Variants in ST8SIA5 observed in about 807,000 individuals in gnomAD.
ST8SIA5 encodes ST8 alpha-N-acetyl-neuraminide alpha-2,8-sialyltransferase 5.
Under a neutral mutation model 40.2 loss-of-function variants are expected in ST8SIA5, and 24 were observed. That is an observed-to-expected ratio of 0.60 (90% CI 0.43 to 0.84). The LOEUF (loss-of-function observed/expected upper bound fraction) is 0.84. ST8SIA5 is among the 40% of genes least tolerant of loss of function. The pLI is 0.00. For missense variants in ST8SIA5, 465 were observed against 498.5 expected, an observed-to-expected ratio of 0.93 and a Z score of 0.64; for synonymous variants, 198 against 201.8, an observed-to-expected ratio of 0.98 and a Z score of 0.16.
chr18:46,752,981 C>T (rs1001718075), intron 1 of ST8SIA5, among the ~76,000 whole-genome samples: 3 of 152,220 alleles, frequency 2.0e-5, no homozygotes. Flanking sequence ...TGCCATTACC[C>T]TACTCCAGGG....
chr18:46,743,085 T>A (rs1218946474), intron 1 of ST8SIA5, among the ~76,000 whole-genome samples: 1 of 152,074 alleles, frequency 6.6e-6, no homozygotes, highest in Non-Finnish European at 1.5e-5. Flanking sequence ...CAAAAGTAGA[T>A]AAAACCACAA....
chr18:46,685,720 A>C (rs1313631038), intron 5 of ST8SIA5: 1 of 166,418 alleles, frequency 6.0e-6, no homozygotes, highest in Non-Finnish European at 1.3e-5. Flanking sequence ...ATCCACAAAG[A>C]GATAAGAGGG....
chr18:46,738,007 G>A (rs916095012), intron 1 of ST8SIA5, among the ~76,000 whole-genome samples: 5 of 152,034 alleles, frequency 3.3e-5, no homozygotes, highest in African/African-American at 1.2e-4. Flanking sequence ...CTGACCTCAG[G>A]TAATCTGCCC....
rs2040256369 is a variant in ST8SIA5, at chr18:46,756,894, G to A, written c.-386C>T. ...GCGGCCAATGGGGAGCAAGACCCGG[G>A]CTCCGTCCCCTGTGCGCCCCAGCGC... On this transcript the variant is annotated 5_prime_UTR_variant, in exon 1 of 7. Transcript: ENST00000315087. 9.2e-6 allele frequency: 2 copies of A among 217,598 alleles called. No individual in the cohort carries two copies. The highest frequency in any genetic ancestry group is 9.0e-6 in the Non-Finnish European group (1 of 110,796). 13.5% of individuals were successfully genotyped at this position (217,598 alleles called of 1,614,324 possible). A position where few individuals can be genotyped will look rare whatever the true frequency, so the allele number is the denominator to read the frequency against.
At chr18:46,743,008 G>T (rs1312319301) in intron 1 of ST8SIA5, among the ~76,000 whole-genome samples, 2 of 152,154 alleles carry the variant, frequency 1.3e-5, no homozygotes, top group Non-Finnish European at 2.9e-5. Context: ...CAAACAGAAA[G>T]AAATAGCATC....
rs1185242059 is a variant in ST8SIA5 at position 46,677,882 on chromosome 18, G to C, written c.*2160C>G. 1 of 152,258 alleles carries C rather than the reference G, an allele frequency of 6.6e-6. No individual in the cohort carries two copies. Among genetic ancestry groups the C allele is most frequent in the Non-Finnish European group, 1.5e-5 (1 of 68,052 alleles). The allele number at this position is 152,258 out of a possible 1,614,324, so 9.4% of individuals were successfully genotyped here. On this transcript the variant is annotated 3_prime_UTR_variant, in exon 7 of 7. Coordinates refer to ENST00000315087, the MANE Select transcript of ST8SIA5 (RefSeq NM_013305.6). ...GGGCTCTGTCCACAGCAGGCACTCAGTAGAGCCCCAGGCATGACTTGACCC... is the reference window on the plus strand; with the variant it reads ...GGGCTCTGTCCACAGCAGGCACTCACTAGAGCCCCAGGCATGACTTGACCC...
chr18:46,718,889 G>A (rs2039821804), intron 1 of ST8SIA5, among the ~76,000 whole-genome samples: 1 of 152,034 alleles, frequency 6.6e-6, no homozygotes, highest in African/African-American at 2.4e-5. Context: ...TCCTCGTTAG[G>A]TCCTCCCCCA....
Position 46,674,571 on chromosome 18 carries a change from G to A in ST8SIA5, c.*5471C>T, listed in dbSNP as rs907884221. On this transcript the variant is annotated 3_prime_UTR_variant, in exon 7 of 7. Transcript: ENST00000315087. The stretch of plus-strand genomic sequence containing the variant: ...CATTACTGTAGTAAACATGTGTTGA[G>A]TGGCCATGGCATGTGCTTCCCCGCC... 23 of 152,280 alleles carry A rather than the reference G, an allele frequency of 1.5e-4. No individual in the cohort carries two copies. Among genetic ancestry groups the A allele is most frequent in the African/African-American group, 5.3e-4 (22 of 41,464 alleles). 9.4% of individuals were successfully genotyped at this position (152,280 alleles called of 1,614,324 possible).
chr18:46,683,996 C>A (rs2039422543), intron 5 of ST8SIA5, among the ~76,000 whole-genome samples: 1 of 151,958 alleles, frequency 6.6e-6, no homozygotes, highest in Non-Finnish European at 1.5e-5. Flanking sequence ...GCATCTAGGA[C>A]ATGCCTAGAA....
rs528191481 is a variant in ST8SIA5, at chr18:46,668,907, A to T, written c.*11135T>A. 6.6e-6 allele frequency: 1 copy of T among 152,374 alleles called. No individual in the cohort carries two copies. 9.4% of individuals were successfully genotyped at this position (152,374 alleles called of 1,614,324 possible). A position where few individuals can be genotyped will look rare whatever the true frequency, so the allele number is the denominator to read the frequency against. ...CCGGGGTAGTCTGGCAGGAGCTGCC[A>T]CTTGGGACCCCTCCAGCTGCCTCCC... On this transcript the variant is annotated 3_prime_UTR_variant, in exon 7 of 7. Coordinates refer to ENST00000315087, the MANE Select transcript of ST8SIA5 (RefSeq NM_013305.6).
intron 6 of ST8SIA5, 38 bp from the exon 7 acceptor site, chr18:46,680,548 T>G: frequency 6.6e-7 from 1 of 1,515,172 alleles, no homozygotes; most frequent in South Asian, 1.3e-5. Flanking sequence ...CACCCACTCC[T>G]CCGTGCCCTC....
At chr18:46,689,030 A>C in intron 3 of ST8SIA5, 111 bp from the exon 4 acceptor site, 1 of 1,339,736 alleles carries the variant, frequency 7.5e-7, no homozygotes, top group Non-Finnish European at 1.0e-6. Context: ...TCTCCTGCTC[A>C]CCTATCCCAC....
At position 46,668,855 on chromosome 18, in the gene ST8SIA5, A is replaced by G. The variant is rs1173006838; in HGVS notation, c.*11187T>C. On this transcript the variant is annotated 3_prime_UTR_variant, in exon 7 of 7. Transcript: ENST00000315087. ...TGAGGGCCAGACGTCCCACTGGAGA[A>G]GAGTACAGGACGATGGGCTCGGGAG... 2 of 152,244 alleles carry G rather than the reference A, an allele frequency of 1.3e-5. No individual in the cohort carries two copies. The highest frequency in any genetic ancestry group is 2.4e-5 in the African/African-American group (1 of 41,474). 9.4% of individuals were successfully genotyped at this position (152,244 alleles called of 1,614,324 possible).
chr18:46,704,794 G>T, intron 1 of ST8SIA5, 130 bp from the exon 2 acceptor site: 1 of 762,032 alleles, frequency 1.3e-6, no homozygotes, highest in Non-Finnish European at 2.2e-6. Flanking sequence ...CATCCCAGCA[G>T]ATGTCCCATT....
intron 1 of ST8SIA5, among the ~76,000 whole-genome samples, chr18:46,740,906 C>T (rs1411739147): frequency 6.6e-6 from 1 of 152,138 alleles, no homozygotes; most frequent in Non-Finnish European, 1.5e-5. Context: ...TTCTTGTTAT[C>T]ATCATCATCC....
rs1429732141 is a variant in ST8SIA5, at chr18:46,667,878, T to A, written c.*12164A>T. On this transcript the variant is annotated 3_prime_UTR_variant, in exon 7 of 7. Transcript: ENST00000315087. ...GAAATTGAGGGCCGTTCAAACACAG[T>A]GACAGATACAAAGTACCCTGATGAT... The A allele has an allele frequency of 6.6e-6, 1 of 152,156 alleles. No individual in the cohort carries two copies. The highest frequency in any genetic ancestry group is 6.5e-5 in the Admixed American group (1 of 15,278). The allele number at this position is 152,156 out of a possible 1,614,324, so 9.4% of individuals were successfully genotyped here. A position where few individuals can be genotyped will look rare whatever the true frequency, so the allele number is the denominator to read the frequency against.
In ST8SIA5 at chr18:46,693,443, G is replaced by A. The variant is rs544604391; in HGVS notation, c.225-1188C>T. 5.3e-5 allele frequency among the ~76,000 whole-genome samples: 8 copies of A among 152,156 alleles called. No individual in the cohort carries two copies. In the East Asian group the frequency reaches 9.7e-4, roughly 18 times the overall value. On this transcript the variant is annotated intron_variant, in intron 2 of 6. Coordinates refer to ENST00000315087, the MANE Select transcript of ST8SIA5 (RefSeq NM_013305.6). ...TGCCCCTTCTCCCTGAAAAACCCTC[G>A]GCCAGCCTCTATGCTAGTTGGCATT...
chr18:46,751,673 G>T (rs1224291753), intron 1 of ST8SIA5, among the ~76,000 whole-genome samples: 1 of 152,154 alleles, frequency 6.6e-6, no homozygotes, highest in African/African-American at 2.4e-5. Context: ...GGGATTACAG[G>T]TATGAGCCAC....
intron 1 of ST8SIA5, among the ~76,000 whole-genome samples, chr18:46,724,672 T>G (rs1308643368): frequency 6.6e-6 from 1 of 152,116 alleles, no homozygotes; most frequent in East Asian, 1.9e-4. Flanking sequence ...AAACGCCTCA[T>G]GCAGAAAATC....
Sources: gnomAD v4.1 joint callset for allele counts (sites outside exome capture counted in the v4.1 genomes callset) on GRCh38, gnomAD v4.1.1 for gene constraint, MANE v1.5 for transcripts, NCBI Gene and HGNC (gene_info 2026-07-23, HGNC 2026-07-21) for gene names.